DENND1B: variants seen among roughly 807,000 people sequenced by gnomAD.
DENND1B encodes DENN domain-containing protein 1B.
Under a neutral mutation model 90.1 loss-of-function variants are expected in DENND1B, and 59 were observed. The ratio of observed to expected loss-of-function variants is 0.65; its 90% confidence interval spans 0.53 to 0.81. DENND1B has a LOEUF of 0.81. Ranked by LOEUF, DENND1B falls within the 40% of genes least tolerant of loss-of-function variation. The pLI, the probability that DENND1B is intolerant of heterozygous loss-of-function variation, is 0.00. For missense variants in DENND1B, 862 were observed against 912.6 expected (o/e 0.94, Z 0.71); for synonymous variants, 337 against 324.6 (o/e 1.04, Z -0.41).
At chr1:197,699,877 A>C (rs1282184065) in intron 3 of DENND1B, among the ~76,000 whole-genome samples, 3 of 152,186 alleles carry the variant, frequency 2.0e-5, no homozygotes. Flanking sequence ...CAAAGAGAAT[A>C]AAATACTCAG....
Position 197,505,697 on chromosome 1 carries a change from C to T in DENND1B, c.*4763G>A, listed in dbSNP as rs1293965998. The T allele has an allele frequency of 2.2e-5, 2 of 90,026 alleles. No individual in the cohort carries two copies. Among genetic ancestry groups the T allele is most frequent in the African/African-American group, 7.4e-5 (2 of 27,030 alleles). The allele number at this position is 90,026 out of a possible 1,614,324, so 5.6% of individuals were successfully genotyped here. ...TATAGAAGCTCTAAGATTAAACAAACTGTACATCATACAAAAAATTAATTT... is the reference window on the plus strand; with the variant it reads ...TATAGAAGCTCTAAGATTAAACAAATTGTACATCATACAAAAAATTAATTT... On this transcript the variant is annotated 3_prime_UTR_variant, in exon 23 of 23. Transcript: ENST00000620048.
At chr1:197,725,756 G>A (rs943377187) in intron 2 of DENND1B, among the ~76,000 whole-genome samples, 10 of 151,922 alleles carry the variant, frequency 6.6e-5, no homozygotes, top group African/African-American at 2.2e-4. Context: ...AGGGCCTTGA[G>A]AGTGATAAAA....
intron 3 of DENND1B, among the ~76,000 whole-genome samples, chr1:197,687,036 T>C (rs1333620615): frequency 6.6e-6 from 1 of 152,172 alleles, no homozygotes; most frequent in East Asian, 1.9e-4. Flanking sequence ...ATGATACAAA[T>C]AATGTTCAAT....
At chr1:197,743,522 G>T (rs954578203) in intron 2 of DENND1B, among the ~76,000 whole-genome samples, 3 of 152,286 alleles carry the variant, frequency 2.0e-5, no homozygotes, top group Admixed American at 6.5e-5. Context: ...GCTGCTAACT[G>T]ATCAGCCTGG....
In DENND1B at chr1:197,775,221, G is replaced by A; in HGVS notation, c.-66C>T. On this transcript the variant is annotated 5_prime_UTR_variant, in exon 1 of 23. Transcript: ENST00000620048. Reference sequence around the variant, plus strand: ...CGCTGGCCTGGAAGCCCGCAGCCCGGCCGCGCGAGGGTCGCGCCGTCCCCG... The same window carrying A: ...CGCTGGCCTGGAAGCCCGCAGCCCGACCGCGCGAGGGTCGCGCCGTCCCCG... 8.3e-7 allele frequency: 1 copy of A among 1,207,430 alleles called. No individual in the cohort carries two copies. The highest frequency in any genetic ancestry group is 1.6e-5 in the African/African-American group (1 of 62,886). The allele number at this position is 1,207,430 out of a possible 1,614,324, so 74.8% of individuals were successfully genotyped here.
At chr1:197,579,233 G>A (rs1673975915) in intron 15 of DENND1B, among the ~76,000 whole-genome samples, 1 of 152,128 alleles carries the variant, frequency 6.6e-6, no homozygotes. Flanking sequence ...AAACCAACAC[G>A]AGGGGGGCAA....
intron 3 of DENND1B, among the ~76,000 whole-genome samples, chr1:197,700,048 T>C (rs1358846709): frequency 6.6e-6 from 1 of 152,194 alleles, no homozygotes; most frequent in Non-Finnish European, 1.5e-5. Context: ...AAGTAATTTA[T>C]AGATTCAATG....
intron 10 of DENND1B, among the ~76,000 whole-genome samples, chr1:197,631,649 A>C (rs1242003520): frequency 1.3e-5 from 2 of 151,948 alleles, no homozygotes; most frequent in Admixed American, 1.3e-4. Flanking sequence ...ATGGCAGAAC[A>C]ACAACAAAGT....
chr1:197,573,263 T>C (rs901170294), intron 15 of DENND1B, among the ~76,000 whole-genome samples: 6 of 152,142 alleles, frequency 3.9e-5, no homozygotes, highest in African/African-American at 1.4e-4. Context: ...TCCTGCTTTC[T>C]CTTGTGGGTA....
At chr1:197,574,372 T>A (rs1673460903) in intron 15 of DENND1B, among the ~76,000 whole-genome samples, 3 of 152,116 alleles carry the variant, frequency 2.0e-5, no homozygotes, top group Admixed American at 2.0e-4. Flanking sequence ...TACCTAGGAA[T>A]CCAACTTACA....
intron 15 of DENND1B, among the ~76,000 whole-genome samples, chr1:197,579,719 C>T (rs1674026386): frequency 1.3e-5 from 2 of 152,130 alleles, no homozygotes; most frequent in South Asian, 4.1e-4. Context: ...TCTGTCTTTC[C>T]ATACCACATT....
chr1:197,633,655 G>A (rs1679530369), intron 10 of DENND1B, among the ~76,000 whole-genome samples: 2 of 152,100 alleles, frequency 1.3e-5, no homozygotes, highest in Admixed American at 1.3e-4. Flanking sequence ...GCAGGTACTG[G>A]CAGCCAAAGG....
intron 14 of DENND1B, among the ~76,000 whole-genome samples, chr1:197,585,594 T>C (rs760700694): frequency 2.0e-5 from 3 of 152,236 alleles, no homozygotes; most frequent in Non-Finnish European, 4.4e-5. Flanking sequence ...AGATTTGCTG[T>C]CCATCCACTT....
At position 197,587,776 on chromosome 1, in the gene DENND1B, T is replaced by C. The variant is rs183138231; in HGVS notation, c.1048-4523A>G. Among the ~76,000 whole-genome samples, 18 of 152,232 alleles carry C rather than the reference T, an allele frequency of 1.2e-4. 1 individual carries two copies. The East Asian group carries it at 3.5e-3, about 29-fold the overall frequency. On this transcript the variant is annotated intron_variant, in intron 14 of 22. Coordinates refer to ENST00000620048, the MANE Select transcript of DENND1B (RefSeq NM_001195215.2). Reference sequence around the variant, plus strand: ...ATTGTGTACTTTATTTATATTATTATTACATTGTAATACATAACGAAATAA... The same window carrying C: ...ATTGTGTACTTTATTTATATTATTACTACATTGTAATACATAACGAAATAA...
At chr1:197,534,558 T>C (rs546544393) in intron 20 of DENND1B, among the ~76,000 whole-genome samples, 7 of 152,220 alleles carry the variant, frequency 4.6e-5, no homozygotes, top group Non-Finnish European at 7.3e-5. Flanking sequence ...TTATGAATCA[T>C]GTAGCTGTGC....
intron 20 of DENND1B, among the ~76,000 whole-genome samples, chr1:197,517,552 TACGTAGTAA>T (rs1414832195): frequency 6.6e-6 from 1 of 151,914 alleles, no homozygotes; most frequent in Non-Finnish European, 1.5e-5. Context: ...CATTCAAAAA[TACGTAGTAA>T]CTGCCTACCC....
chr1:197,751,705 G>A (rs749186055), intron 2 of DENND1B, among the ~76,000 whole-genome samples: 6 of 151,814 alleles, frequency 4.0e-5, no homozygotes, highest in African/African-American at 9.7e-5. Context: ...TTAGCAGGGC[G>A]TGGTAGCATG....
intron 15 of DENND1B, among the ~76,000 whole-genome samples, chr1:197,555,859 T>A (rs1246112396): frequency 6.6e-6 from 1 of 152,096 alleles, no homozygotes; most frequent in Non-Finnish European, 1.5e-5. Flanking sequence ...ATTGGGTATA[T>A]AGCCAAAGGA....
chr1:197,537,101 G>T (rs1669969403), intron 20 of DENND1B, among the ~76,000 whole-genome samples: 1 of 151,724 alleles, frequency 6.6e-6, no homozygotes, highest in African/African-American at 2.4e-5. Context: ...TATATAATGG[G>T]ACACATAACG....
Sources: gnomAD v4.1 joint callset for allele counts (sites outside exome capture counted in the v4.1 genomes callset) on GRCh38, gnomAD v4.1.1 for gene constraint, MANE v1.5 for transcripts, NCBI Gene and HGNC (gene_info 2026-07-23, HGNC 2026-07-21) for gene names.